Variants in LARGE1 observed in about 807,000 individuals in gnomAD.
LARGE1 encodes xylosyl- and glucuronyltransferase LARGE1.
In LARGE1, 43 loss-of-function variants were observed where a neutral mutation model predicts 87.6. The observed-to-expected ratio is 0.49, with a 90% CI of 0.38 to 0.63. The LOEUF is 0.63. LARGE1 is among the 30% of genes least tolerant of loss of function. The probability of loss-of-function intolerance (pLI) is 0.00; values close to 1 mark genes in which losing one functional copy is unlikely to be tolerated. For missense variants in LARGE1, 802 were observed against 1,000.2 expected (o/e 0.80, Z 2.67); for synonymous variants, 434 against 394.6 (o/e 1.10, Z -1.18).
At chr22:33,180,751 T>C (rs149754410) in intron 11 of LARGE1, among the ~76,000 whole-genome samples, 6 of 152,338 alleles carry the variant, frequency 3.9e-5, no homozygotes, top group African/African-American at 7.2e-5. Context: ...TTAAAAGGAA[T>C]GTAGTATGAA....
At chr22:33,367,252 G>A (rs905149533) in intron 9 of LARGE1, among the ~76,000 whole-genome samples, 3 of 151,698 alleles carry the variant, frequency 2.0e-5, no homozygotes, top group African/African-American at 7.3e-5. Flanking sequence ...AAGTGGATCT[G>A]GAATTAGGTG....
intron 7 of LARGE1, among the ~76,000 whole-genome samples, chr22:33,396,221 C>T (rs1048943175): frequency 6.6e-6 from 1 of 152,202 alleles, no homozygotes; most frequent in African/African-American, 2.4e-5. Flanking sequence ...AAAAATCACC[C>T]TCAGAATCGC....
chr22:33,872,496 T>TCCCCATCATCACCAC (rs1261597483), intron 1 of LARGE1, among the ~76,000 whole-genome samples: 5 of 151,702 alleles, frequency 3.3e-5, no homozygotes, highest in Non-Finnish European at 7.4e-5. Flanking sequence ...ATCATCGCCA[T>TCCCCATCATCACCAC]CCCCATCATC....
chr22:33,798,283 T>G (rs1234182385), intron 1 of LARGE1, among the ~76,000 whole-genome samples: 1 of 150,242 alleles, frequency 6.7e-6, no homozygotes, highest in Non-Finnish European at 1.5e-5. Flanking sequence ...AGAGCGAAAC[T>G]CTGTCTCTCA....
intron 6 of LARGE1, among the ~76,000 whole-genome samples, chr22:33,527,509 GGAT>G (rs1175652342): frequency 1.3e-5 from 2 of 152,116 alleles, no homozygotes; most frequent in Non-Finnish European, 2.9e-5. Flanking sequence ...GGTGGCACTC[GGAT>G]GGCAATCAGT....
chr22:33,120,395 T>TTTCC, the LARGE1 span, among the ~76,000 whole-genome samples: 1 of 97,924 alleles, frequency 1.0e-5, no homozygotes, highest in African/African-American at 6.3e-5. Flanking sequence ...TCTTTCTTTC[T>TTTCC]TTCTTTCTTT....
chr22:33,586,679 G>A (rs537302416), intron 5 of LARGE1, among the ~76,000 whole-genome samples: 4 of 151,838 alleles, frequency 2.6e-5, no homozygotes, highest in Admixed American at 6.6e-5. Context: ...GGATGGTCTC[G>A]ATCTCCTGAC....
At chr22:33,680,321 T>A (rs970407768) in intron 2 of LARGE1, among the ~76,000 whole-genome samples, 1 of 152,152 alleles carries the variant, frequency 6.6e-6, no homozygotes, top group African/African-American at 2.4e-5. Context: ...AACTCCAGAA[T>A]GGGGCTCGGG....
At chr22:33,332,680 C>T (rs1196234462) in intron 10 of LARGE1, among the ~76,000 whole-genome samples, 1 of 152,194 alleles carries the variant, frequency 6.6e-6, no homozygotes, top group African/African-American at 2.4e-5. Context: ...CAAGATCATA[C>T]CCTTTCCCTC....
the LARGE1 span, among the ~76,000 whole-genome samples, chr22:33,113,026 T>C: frequency 6.6e-6 from 1 of 152,160 alleles, no homozygotes; most frequent in African/African-American, 2.4e-5. Flanking sequence ...GTCTCGTTGC[T>C]CAGAGAAATG....
chr22:33,561,242 T>C (rs1432465429), intron 6 of LARGE1, among the ~76,000 whole-genome samples: 1 of 152,120 alleles, frequency 6.6e-6, no homozygotes, highest in Non-Finnish European at 1.5e-5. Flanking sequence ...GCTCCACCAT[T>C]GTAATGGTGT....
At chr22:33,420,319 C>T (rs983208972) in intron 7 of LARGE1, among the ~76,000 whole-genome samples, 25 of 151,990 alleles carry the variant, frequency 1.6e-4, no homozygotes, top group Admixed American at 1.1e-3. Context: ...GGTGGTATGG[C>T]CATAGACAGC....
At chr22:33,085,551 TG>T in the LARGE1 span, among the ~76,000 whole-genome samples, 11 of 152,190 alleles carry the variant, frequency 7.2e-5, no homozygotes, top group Non-Finnish European at 1.5e-4. Context: ...AAAAGGGTAT[TG>T]CAAAAATTGG....
chr22:33,539,554 C>G (rs1258090247), intron 6 of LARGE1, among the ~76,000 whole-genome samples: 1 of 151,854 alleles, frequency 6.6e-6, no homozygotes, highest in Non-Finnish European at 1.5e-5. Context: ...CAATCAAGAT[C>G]AGAATATCTA....
At chr22:33,130,313 C>CA in the LARGE1 span, among the ~76,000 whole-genome samples, 1,564 of 56,880 alleles carry the variant, frequency 0.027, 116 homozygotes, top group East Asian at 0.13. Context: ...GATTCCGTCT[C>CA]AAAAAAAAAA....
At chr22:33,495,667 C>G (rs564535543) in intron 6 of LARGE1, among the ~76,000 whole-genome samples, 22 of 151,958 alleles carry the variant, frequency 1.4e-4, no homozygotes, top group Non-Finnish European at 2.5e-4. Context: ...TGCAGTGAGC[C>G]GAGATCACAC....
intron 11 of LARGE1, among the ~76,000 whole-genome samples, chr22:33,263,578 GA>G (rs1379814942): frequency 5.9e-5 from 9 of 152,184 alleles, no homozygotes; most frequent in Admixed American, 5.2e-4. Flanking sequence ...AATGAATTTG[GA>G]AAAGGAAGTC....
At chr22:33,443,156 T>C (rs1348269397) in intron 6 of LARGE1, among the ~76,000 whole-genome samples, 1 of 152,206 alleles carries the variant, frequency 6.6e-6, no homozygotes, top group African/African-American at 2.4e-5. Context: ...AGTGTACTTA[T>C]TTCTACCTTT....
At chr22:33,822,753 CA>C (rs2062676340) in intron 1 of LARGE1, among the ~76,000 whole-genome samples, 1 of 152,148 alleles carries the variant, frequency 6.6e-6, no homozygotes, top group South Asian at 2.1e-4. Flanking sequence ...CTGGTCAGAA[CA>C]AAGGGGAAGT....
Sources: gnomAD v4.1 joint callset for allele counts (sites outside exome capture counted in the v4.1 genomes callset) on GRCh38, gnomAD v4.1.1 for gene constraint, MANE v1.5 for transcripts, NCBI Gene and HGNC (gene_info 2026-07-23, HGNC 2026-07-21) for gene names.